The following PGM2 variants were observed in gnomAD, a reference collection of about 807,000 sequenced individuals.
PGM2 encodes the protein phosphoglucomutase 2, also known as phosphopentomutase.
PGM2 carries 57 observed loss-of-function variants against 74.6 expected under a neutral mutation model. The observed-to-expected ratio is 0.76, with a 90% CI of 0.62 to 0.95. The LOEUF is 0.95. PGM2 is among the 40% of genes least tolerant of loss of function. The pLI is 0.00. For synonymous variants in PGM2, 273 were observed against 260.7 expected (o/e 1.05, Z -0.46); for missense variants, 706 against 741.9 (o/e 0.95, Z 0.56).
chr4:37,860,809 T>C (rs912962717), intron 13 of PGM2, among the ~76,000 whole-genome samples: 3 of 152,196 alleles, frequency 2.0e-5, no homozygotes, highest in African/African-American at 7.2e-5. Flanking sequence ...ACTTAACCTT[T>C]CAAATGTTTG....
rs764040395 is a variant in PGM2 at position 37,844,422 on chromosome 4, C to T, written c.778C>T (p.His260Tyr). 8 of 1,613,628 alleles carry T rather than the reference C, an allele frequency of 5.0e-6. No homozygotes were observed. In the African/African-American group the frequency reaches 6.7e-5, roughly 13 times the overall value. Residue 260 changes from histidine to tyrosine, a missense_variant, in exon 7 of 14, where the codon CAT (histidine) becomes TAT (tyrosine). Physicochemically the swap from His to Tyr is moderately conservative, Grantham distance 83. Around this residue, in one of 3 missense-constraint regions of PGM2, gnomAD observed 332 missense variants for 334.9 expected, o/e 0.99. Coordinates refer to ENST00000381967, the MANE Select transcript of PGM2 (RefSeq NM_018290.4). ...GCACACCTCTGTCCATGGGGTGGGTCATAGCTTTGTGCAGTCAGCTTTCAA... is the reference window on the plus strand; with the variant it reads ...GCACACCTCTGTCCATGGGGTGGGTTATAGCTTTGTGCAGTCAGCTTTCAA... ...FVHTSVHGVG[H>Y]SFVQSAFKAF...
chr4:37,847,555 G>A (rs867965911), intron 10 of PGM2: 1 of 407,406 alleles, frequency 2.5e-6, no homozygotes, highest in East Asian at 5.1e-5. Context: ...CTTGGCTGCC[G>A]GTACATGTAT....
At position 37,861,623 on chromosome 4, in the gene PGM2, C is replaced by T. The variant is rs779432889; in HGVS notation, c.*11C>T. 31 of 1,557,016 alleles carry T rather than the reference C, an allele frequency of 2.0e-5. No homozygotes were observed. The highest frequency in any genetic ancestry group is 3.5e-6 in the Non-Finnish European group (4 of 1,128,678). ...CCAAAAGCAGACTAAAATAGTCCAG[C>T]CTTGGGTATACTTGCATTTACCTAC... is the stretch of plus-strand genomic sequence containing the variant. On this transcript the variant is annotated 3_prime_UTR_variant, in exon 14 of 14. Coordinates refer to ENST00000381967, the MANE Select transcript of PGM2 (RefSeq NM_018290.4).
In PGM2 at chr4:37,850,285, A is replaced by G; in HGVS notation, c.1514A>G (p.Asn505Ser). 2 of 1,594,804 alleles carry G rather than the reference A, an allele frequency of 1.3e-6. No individual in the cohort carries two copies. Among genetic ancestry groups the G allele is most frequent in the Non-Finnish European group, 1.7e-6 (2 of 1,173,674 alleles). Residue 505 changes from asparagine (N) to serine (S), a missense_variant, in exon 12 of 14, where the codon AAT becomes AGT. Physicochemically the swap from Asn to Ser is conservative, Grantham distance 46. This residue lies in a region of PGM2 where 359 missense variants were observed against 371.1 expected (regional missense o/e 0.97). Transcript: ENST00000381967. ...CTCAGAAACTACGATGGAAAAAATA[A>G]TTATCCAAAAGCTTGTGGCAAATTT... ...ENLRNYDGKN[N>S]YPKACGKFEI...
intron 13 of PGM2, among the ~76,000 whole-genome samples, chr4:37,860,375 T>TCAGTG (rs1379251581): frequency 6.6e-6 from 1 of 152,236 alleles, no homozygotes; most frequent in Admixed American, 6.5e-5. Flanking sequence ...TGGGCCAGGT[T>TCAGTG]CAGTGCTAAT....
Position 37,840,207 on chromosome 4 carries a change from G to A in PGM2, c.667G>A (p.Ala223Thr). 6.2e-7 allele frequency: 1 copy of A among 1,613,012 alleles called. No individual in the cohort carries two copies. Among genetic ancestry groups the A allele is most frequent in the Non-Finnish European group, 8.5e-7 (1 of 1,179,026 alleles). Reference protein sequence around the residue: ...DSSPLLHNPSASINNDYFEDL... With the variant: ...DSSPLLHNPSTSINNDYFEDL... ...CAGTCCACTTCTCCACAATCCGAGT[G>A]CTTCCATCAATAATGACTACTTTGA... Residue 223 changes from alanine (A) to threonine (T), a missense_variant, in exon 6 of 14, where the codon GCT becomes ACT. Physicochemically the swap from Ala to Thr is moderately conservative, Grantham distance 58. Around this residue, in one of 3 missense-constraint regions of PGM2, gnomAD observed 332 missense variants for 334.9 expected, o/e 0.99. Coordinates refer to ENST00000381967, the MANE Select transcript of PGM2 (RefSeq NM_018290.4).
chr4:37,861,548 T>C lies in PGM2; in HGVS notation c.1775T>C (p.Val592Ala), dbSNP rs769029503. 1 of 1,613,432 alleles carries C rather than the reference T, an allele frequency of 6.2e-7. No individual in the cohort carries two copies. Residue 592 changes from valine to alanine, a missense_variant, in exon 14 of 14, where the codon GTC (valine) becomes GCC (alanine). By Grantham distance (64) the Val-to-Ala change is moderately conservative (BLOSUM62 0). Transcript: ENST00000381967. The stretch of plus-strand genomic sequence containing the variant: ...CTGAAGAAGGAACTGAATGAACTGG[T>C]CAGTGCTATTGAAGAACATTTTTTC... ...EQLKKELNEL[V>A]SAIEEHFFQP... is the part of the protein sequence containing the mutation.
chr4:37,855,183 CTCCCCTCCCTTA>C (rs1726160192), intron 12 of PGM2, among the ~76,000 whole-genome samples: 1 of 152,126 alleles, frequency 6.6e-6, no homozygotes, highest in Non-Finnish European at 1.5e-5. Context: ...TCTCCCCAAA[CTCCCCTCCCTTA>C]TCCCCACCCT....
chr4:37,853,879 G>A (rs1361602352), intron 12 of PGM2, among the ~76,000 whole-genome samples: 1 of 152,196 alleles, frequency 6.6e-6, no homozygotes, highest in Non-Finnish European at 1.5e-5. Context: ...CTGCAGAAAT[G>A]GAGAAGAGGT....
chr4:37,836,575 C>T (rs914980272), intron 3 of PGM2, among the ~76,000 whole-genome samples: 1 of 152,134 alleles, frequency 6.6e-6, no homozygotes, highest in African/African-American at 2.4e-5. Flanking sequence ...GCTCTTTGTG[C>T]CCCAGCCAGC....
chr4:37,849,512 A>G (rs770810179), intron 11 of PGM2, among the ~76,000 whole-genome samples: 4 of 147,846 alleles, frequency 2.7e-5, no homozygotes. Flanking sequence ...CCTGGGTTCA[A>G]GCAATTCTCC....
At chr4:37,844,029 G>T (rs749649085) in intron 6 of PGM2, among the ~76,000 whole-genome samples, 1 of 152,120 alleles carries the variant, frequency 6.6e-6, no homozygotes, top group Admixed American at 6.5e-5. Context: ...ACTGTCCCGG[G>T]CTGGCTGTAG....
intron 4 of PGM2, among the ~76,000 whole-genome samples, chr4:37,838,100 C>T (rs1212748225): frequency 4.6e-5 from 7 of 152,170 alleles, no homozygotes; most frequent in Non-Finnish European, 8.8e-5. Flanking sequence ...ACGCTAGTCT[C>T]GAACTCCTGG....
At chr4:37,856,677 C>A (rs866307171) in intron 13 of PGM2, among the ~76,000 whole-genome samples, 26 of 152,298 alleles carry the variant, frequency 1.7e-4, no homozygotes, top group African/African-American at 6.0e-4. Flanking sequence ...GCCTATCCAA[C>A]ATGCCGTTAA....
intron 1 of PGM2, 118 bp downstream of exon 1, chr4:37,826,931 C>A: frequency 7.8e-6 from 5 of 641,416 alleles, no homozygotes; most frequent in Non-Finnish European, 1.3e-5. Flanking sequence ...TCCCGCTTCT[C>A]CCCCGGGAAG....
At chr4:37,847,721 A>C (rs886551222) in intron 10 of PGM2, among the ~76,000 whole-genome samples, 4 of 152,082 alleles carry the variant, frequency 2.6e-5, no homozygotes, top group African/African-American at 7.3e-5. Context: ...TGCTGCTGTC[A>C]TCAGAATGAT....
At chr4:37,827,339 C>T (rs551084137) in intron 1 of PGM2, among the ~76,000 whole-genome samples, 33 of 152,316 alleles carry the variant, frequency 2.2e-4, no homozygotes, top group Non-Finnish European at 4.1e-4. Flanking sequence ...CTTCAGGAGT[C>T]CCCCTTAGAA....
chr4:37,847,019 C>T lies in PGM2; in HGVS notation c.1096C>T (p.Arg366Cys), dbSNP rs151106378. 5.9e-5 allele frequency: 95 copies of T among 1,613,176 alleles called. No individual in the cohort carries two copies. The African/African-American group carries it at 8.7e-4, about 15-fold the overall frequency. ...ATCTTGGAAAGAGAAGAACCAGGAT[C>T]GCAGTGCTCTCAAAGACACGTACAT... ...FTSWKEKNQD[R>C]SALKDTYMLS... Residue 366 changes from arginine (R) to cysteine (C), a missense_variant, in exon 9 of 14, where the codon CGC becomes TGC. Coordinates refer to ENST00000381967, the MANE Select transcript of PGM2 (RefSeq NM_018290.4).
chr4:37,839,140 CAG>C (rs1725640209), intron 4 of PGM2, among the ~76,000 whole-genome samples: 1 of 115,804 alleles, frequency 8.6e-6, no homozygotes, highest in Non-Finnish European at 1.7e-5. Flanking sequence ...TTTTTTGAGA[CAG>C]AGTTTCGCTC....
Sources: gnomAD v4.1 joint callset for allele counts (sites outside exome capture counted in the v4.1 genomes callset) on GRCh38, gnomAD v4.1.1 for gene constraint, gnomAD v4.1.1 regional missense constraint, MANE v1.5 for transcripts, NCBI Gene and HGNC (gene_info 2026-07-23, HGNC 2026-07-21) for gene names.